PIWIL2: variants seen among roughly 807,000 people sequenced by gnomAD.
The protein encoded by PIWIL2 is piwi-like protein 2.
In PIWIL2, 81 loss-of-function variants were observed where a neutral mutation model predicts 116.5. The observed-to-expected ratio is 0.70, with a 90% CI of 0.58 to 0.84. PIWIL2 has a LOEUF of 0.84. PIWIL2 is among the 40% of genes least tolerant of loss of function. PIWIL2 has a pLI of 0.00. For missense variants in PIWIL2, 1,272 were observed against 1,212.3 expected, an observed-to-expected ratio of 1.05 and a Z score of -0.73; for synonymous variants, 489 against 429.5, an observed-to-expected ratio of 1.14 and a Z score of -1.71.
chr8:22,276,870 T>C (rs1830385890), intron 1 of PIWIL2, among the ~76,000 whole-genome samples: 1 of 151,666 alleles, frequency 6.6e-6, no homozygotes, highest in Admixed American at 6.6e-5. Flanking sequence ...ACCACTTCAC[T>C]GTAGCCTGGA....
chr8:22,355,272 T>C (rs912736882), intron 22 of PIWIL2, 77 bp from the exon 23 acceptor site: 1 of 1,413,604 alleles, frequency 7.1e-7, no homozygotes, highest in Admixed American at 1.7e-5. Flanking sequence ...CATATCCCCG[T>C]GACTATTGTA....
intron 20 of PIWIL2, among the ~76,000 whole-genome samples, chr8:22,341,154 C>T (rs999759091): frequency 2.0e-5 from 3 of 152,020 alleles, no homozygotes; most frequent in Non-Finnish European, 4.4e-5. Context: ...GTGAAACAAC[C>T]AAGTGGGTTT....
At chr8:22,287,777 G>T in intron 7 of PIWIL2, 132 bp downstream of exon 7, 1 of 662,472 alleles carries the variant, frequency 1.5e-6, no homozygotes, top group South Asian at 1.7e-5. Context: ...AAAGCCCTGG[G>T]ACTACAGGCG....
chr8:22,281,306 T>TA (rs35004343), intron 3 of PIWIL2, 71 bp from the exon 4 acceptor site: 113,877 of 988,382 alleles, frequency 0.12, 1 homozygote, highest in South Asian at 0.14. Flanking sequence ...GTGCTTTTTT[T>TA]AAAAAAAAAA....
At chr8:22,325,946 C>T (rs1831715471) in intron 20 of PIWIL2, among the ~76,000 whole-genome samples, 1 of 152,180 alleles carries the variant, frequency 6.6e-6, no homozygotes. Flanking sequence ...AGCCTTACTG[C>T]TGGGGAATCT....
At chr8:22,314,921 C>G (rs1332363193) in intron 17 of PIWIL2, 108 bp from the exon 18 acceptor site, 12 of 701,598 alleles carry the variant, frequency 1.7e-5, no homozygotes, top group Non-Finnish European at 3.1e-5. Context: ...GTGTTATCTT[C>G]TAACTTGAGT....
intron 14 of PIWIL2, 148 bp from the exon 15 acceptor site, chr8:22,309,813 A>G (rs750612130): frequency 1.8e-6 from 1 of 541,078 alleles, no homozygotes; most frequent in Non-Finnish European, 3.4e-6. Context: ...TTTCACTGCT[A>G]GAAGCTTTAT....
intron 9 of PIWIL2, 48 bp from the exon 10 acceptor site, chr8:22,290,185 A>G (rs762110711): frequency 2.7e-6 from 3 of 1,105,980 alleles, no homozygotes; most frequent in Non-Finnish European, 2.8e-6. Context: ...GCATGGAAGT[A>G]TATGTGTTCT....
chr8:22,329,181 AT>A (rs1369301041), intron 20 of PIWIL2, among the ~76,000 whole-genome samples: 1 of 152,066 alleles, frequency 6.6e-6, no homozygotes. Context: ...AGTGTGTTGG[AT>A]TTTATCAGAT....
In PIWIL2 at chr8:22,281,139, C is replaced by G; in HGVS notation, c.218C>G (p.Ser73Cys). Reference sequence around the variant, plus strand: ...CCACAGGAGTCTGTGGGTTTGGTCTCCATGTTCCGAGGCCTGGGCATTGAA... The same window carrying G: ...CCACAGGAGTCTGTGGGTTTGGTCTGCATGTTCCGAGGCCTGGGCATTGAA... ...PAQRESVGLV[S>C]MFRGLGIETV... The change falls in exon 3 of 23, where the codon TCC becomes TGC. Residue 73 changes from serine (S) to cysteine (C), a missense_variant. By Grantham distance (112) the Ser-to-Cys change is moderately radical. Transcript: ENST00000356766. 6.2e-7 allele frequency: 1 copy of G among 1,611,628 alleles called. No homozygotes were observed. Among genetic ancestry groups the G allele is most frequent in the East Asian group, 2.2e-5 (1 of 44,834 alleles).
At position 22,289,902 on chromosome 8, in the gene PIWIL2, AGT is replaced by A; in HGVS notation, c.1044_1045del (p.Ala349TyrfsTer17). 6.2e-7 allele frequency: 1 copy of A among 1,611,076 alleles called. No homozygotes were observed. The highest frequency in any genetic ancestry group is 8.5e-7 in the Non-Finnish European group (1 of 1,177,238). On this transcript the variant is annotated frameshift_variant, in exon 9 of 23. Coordinates refer to ENST00000356766, the MANE Select transcript of PIWIL2 (RefSeq NM_018068.5). LOFTEE classifies it high-confidence loss of function. ...LVGRNFYDPT[S>X]AMVLQQHRLQ... ...GGGGAGAAACTTTTATGACCCTACA[AGT>A]GCTATGGTACTACAGCAACACAGGT...
chr8:22,342,893 C>T (rs1832142537), intron 20 of PIWIL2, among the ~76,000 whole-genome samples: 2 of 152,296 alleles, frequency 1.3e-5, no homozygotes, highest in South Asian at 4.1e-4. Flanking sequence ...ATACAAAGAA[C>T]TCTTAAAACT....
chr8:22,341,595 C>CAA (rs34495366), intron 20 of PIWIL2, among the ~76,000 whole-genome samples: 1,484 of 99,170 alleles, frequency 0.015, 21 homozygotes, highest in African/African-American at 0.027. Context: ...AACTCCGTCT[C>CAA]AAAAAAAAAA....
chr8:22,302,893 C>G (rs1831085039), intron 10 of PIWIL2, among the ~76,000 whole-genome samples: 1 of 152,188 alleles, frequency 6.6e-6, no homozygotes, highest in Non-Finnish European at 1.5e-5. Context: ...CCTTAAATTT[C>G]TAGTTGATGC....
intron 10 of PIWIL2, among the ~76,000 whole-genome samples, chr8:22,296,311 C>G (rs969356041): frequency 6.6e-6 from 1 of 152,044 alleles, no homozygotes; most frequent in Non-Finnish European, 1.5e-5. Context: ...TCCCAAAGTG[C>G]TGGGATTACA....
intron 21 of PIWIL2, among the ~76,000 whole-genome samples, chr8:22,353,448 A>G (rs1466564679): frequency 6.6e-6 from 1 of 152,170 alleles, no homozygotes. Flanking sequence ...CAGGAGTTCA[A>G]TACCAGCCTG....
chr8:22,291,017 G>T (rs535738535), intron 10 of PIWIL2, among the ~76,000 whole-genome samples: 1 of 148,494 alleles, frequency 6.7e-6, no homozygotes, highest in African/African-American at 2.4e-5. Flanking sequence ...CACCCAGGCT[G>T]GAGTGCAGTG....
chr8:22,336,358 C>G (rs185493863), intron 20 of PIWIL2, among the ~76,000 whole-genome samples: 1 of 152,060 alleles, frequency 6.6e-6, no homozygotes, highest in African/African-American at 2.4e-5. Flanking sequence ...GGAAATTAAA[C>G]AAGACTGGCT....
intron 20 of PIWIL2, among the ~76,000 whole-genome samples, chr8:22,335,047 T>A (rs1831948210): frequency 7.5e-6 from 1 of 132,608 alleles, no homozygotes; most frequent in Non-Finnish European, 1.6e-5. Flanking sequence ...AGAGTGAGAC[T>A]CTTGTCTCAA....
Sources: gnomAD v4.1 joint callset for allele counts (sites outside exome capture counted in the v4.1 genomes callset) on GRCh38, gnomAD v4.1.1 for gene constraint, MANE v1.5 for transcripts, NCBI Gene and HGNC (gene_info 2026-07-23, HGNC 2026-07-21) for gene names.